The following CACNA2D1 variants were observed in gnomAD, a reference collection of about 807,000 sequenced individuals.
CACNA2D1 encodes the protein voltage-dependent calcium channel subunit alpha-2/delta-1.
In CACNA2D1, 53 loss-of-function variants were observed where a neutral mutation model predicts 171.5. The observed-to-expected ratio is 0.31, with a 90% CI of 0.25 to 0.39. The LOEUF (loss-of-function observed/expected upper bound fraction) is 0.39. Among genes scored for constraint, CACNA2D1 ranks in the 10% least tolerant of loss-of-function variants. CACNA2D1 has a pLI of 1.00. For missense variants in CACNA2D1, 903 were observed against 1,299.8 expected (o/e 0.69, Z 4.69); for synonymous variants, 442 against 443.1 (o/e 1.00, Z 0.03).
chr7:82,137,294 T>G (rs2129079617), intron 4 of CACNA2D1, among the ~76,000 whole-genome samples: 1 of 152,296 alleles, frequency 6.6e-6, no homozygotes, highest in Admixed American at 6.5e-5. Context: ...GCCATCAGTT[T>G]CCTGAAAAAT....
intron 1 of CACNA2D1, among the ~76,000 whole-genome samples, chr7:82,431,874 C>T (rs916054479): frequency 2.0e-5 from 3 of 151,398 alleles, no homozygotes; most frequent in Non-Finnish European, 2.9e-5. Flanking sequence ...CCTATCTCTA[C>T]TAAAAATACA....
chr7:82,113,065 C>T (rs993783220), intron 6 of CACNA2D1, among the ~76,000 whole-genome samples: 19 of 151,946 alleles, frequency 1.3e-4, no homozygotes, highest in Admixed American at 4.6e-4. Flanking sequence ...ACTTCTAAAA[C>T]GTAAATAATA....
chr7:82,326,518 T>C (rs1816670092), intron 3 of CACNA2D1, among the ~76,000 whole-genome samples: 1 of 152,186 alleles, frequency 6.6e-6, no homozygotes, highest in South Asian at 2.1e-4. Flanking sequence ...GAAATAGTGT[T>C]AGAAATATAT....
At chr7:82,131,295 T>C (rs908773340) in intron 5 of CACNA2D1, among the ~76,000 whole-genome samples, 3 of 152,190 alleles carry the variant, frequency 2.0e-5, no homozygotes, top group Admixed American at 2.0e-4. Context: ...GATCAGATTA[T>C]GTCCACAGAA....
intron 24 of CACNA2D1, among the ~76,000 whole-genome samples, chr7:81,974,932 A>G (rs1202353722): frequency 6.6e-6 from 1 of 152,076 alleles, no homozygotes; most frequent in African/African-American, 2.4e-5. Context: ...TTTAAAACCT[A>G]GATGACAAGT....
At position 81,982,575 on chromosome 7, in the gene CACNA2D1, T is replaced by C; in HGVS notation, c.1947A>G (p.Ile649Met). 6.3e-7 allele frequency: 1 copy of C among 1,599,736 alleles called. No homozygotes were observed. Among genetic ancestry groups the C allele is most frequent in the Non-Finnish European group, 8.6e-7 (1 of 1,167,196 alleles). The change falls in exon 24 of 39, where the codon ATA becomes ATG. Residue 649 changes from isoleucine to methionine, a missense_variant. This residue lies in a region of CACNA2D1 where 623 missense variants were observed against 925.5 expected (regional missense o/e 0.67). Transcript: ENST00000356860. ...AATACAACAAAACCAACCTTGGTGC[T>C]ATGAATGTATAGCCAGATTCTTCAA... ...DNFEESGYTFIAPRDYCNDLK... is the reference protein window; with the variant it reads ...DNFEESGYTFMAPRDYCNDLK...
rs1554519957 is a variant in CACNA2D1, at chr7:82,347,842, G to GAA, written c.177+1725_177+1726insTT. ...CATTCTATTTTGTTATGTTAATTCAGTCATTGATTAATTCATCAATATCTA... is the reference window on the plus strand; with the variant it reads ...CATTCTATTTTGTTATGTTAATTCAGAATCATTGATTAATTCATCAATATCTA... On this transcript the variant is annotated intron_variant, in intron 2 of 38. Transcript: ENST00000356860. 2.4e-3 allele frequency among the ~76,000 whole-genome samples: 363 copies of GAA among 152,084 alleles called. 3 individuals carry two copies. Among genetic ancestry groups the GAA allele is most frequent in the African/African-American group, 8.3e-3 (344 of 41,438 alleles).
intron 3 of CACNA2D1, among the ~76,000 whole-genome samples, chr7:82,185,682 AAGGGCAAG>A (rs2129177738): frequency 6.6e-6 from 1 of 152,168 alleles, no homozygotes; most frequent in South Asian, 2.1e-4. Flanking sequence ...AAGGCAAGCG[AAGGGCAAG>A]GACAGTGCTT....
intron 3 of CACNA2D1, among the ~76,000 whole-genome samples, chr7:82,261,615 C>A (rs1156689964): frequency 6.6e-6 from 1 of 152,084 alleles, no homozygotes; most frequent in Non-Finnish European, 1.5e-5. Flanking sequence ...CATTTCTAAT[C>A]TAGGATAAGC....
intron 4 of CACNA2D1, among the ~76,000 whole-genome samples, chr7:82,155,502 CA>C (rs1034168075): frequency 6.6e-5 from 10 of 151,852 alleles, no homozygotes; most frequent in Admixed American, 2.0e-4. Context: ...ATATACCATA[CA>C]TTTTTTTGTG....
At chr7:82,084,061 A>G (rs1353135584) in intron 7 of CACNA2D1, among the ~76,000 whole-genome samples, 1 of 152,212 alleles carries the variant, frequency 6.6e-6, no homozygotes, top group Non-Finnish European at 1.5e-5. Context: ...TGGAGAAAGT[A>G]AAAAACACCA....
chr7:82,298,180 A>G (rs1371346121), intron 3 of CACNA2D1, among the ~76,000 whole-genome samples: 1 of 152,170 alleles, frequency 6.6e-6, no homozygotes, highest in Non-Finnish European at 1.5e-5. Context: ...GACTCTAAAA[A>G]CTAGTATCAT....
At chr7:82,093,396 A>T (rs1423425122) in intron 6 of CACNA2D1, among the ~76,000 whole-genome samples, 2 of 152,104 alleles carry the variant, frequency 1.3e-5, no homozygotes, top group Admixed American at 1.3e-4. Flanking sequence ...TTTTTAATTT[A>T]TCTTGATAAA....
chr7:82,388,062 CA>C (rs772179078), intron 1 of CACNA2D1, among the ~76,000 whole-genome samples: 159 of 79,216 alleles, frequency 2.0e-3, no homozygotes, highest in Middle Eastern at 0.014. Flanking sequence ...ACCCTGTCTC[CA>C]AAAAAAAAAA....
chr7:81,983,806 A>G (rs1365901523), intron 22 of CACNA2D1, among the ~76,000 whole-genome samples: 1 of 152,206 alleles, frequency 6.6e-6, no homozygotes, highest in Non-Finnish European at 1.5e-5. Context: ...GATGCGGGCA[A>G]AAAAGAACTG....
intron 3 of CACNA2D1, among the ~76,000 whole-genome samples, chr7:82,294,435 ACT>A (rs1285277534): frequency 6.7e-6 from 1 of 149,798 alleles, no homozygotes; most frequent in Non-Finnish European, 1.5e-5. Flanking sequence ...TGGTGACATG[ACT>A]CATCATTTAT....
intron 3 of CACNA2D1, among the ~76,000 whole-genome samples, chr7:82,307,703 G>T (rs1053825588): frequency 9.2e-5 from 14 of 151,976 alleles, no homozygotes; most frequent in Admixed American, 9.2e-4. Flanking sequence ...GGTGGCTCTT[G>T]ATCTTGTTAG....
At chr7:82,409,821 T>A (rs1287866505) in intron 1 of CACNA2D1, among the ~76,000 whole-genome samples, 1 of 152,174 alleles carries the variant, frequency 6.6e-6, no homozygotes, top group Non-Finnish European at 1.5e-5. Context: ...TGTTAGGCGA[T>A]TTTGTCATTG....
intron 10 of CACNA2D1, among the ~76,000 whole-genome samples, chr7:82,048,733 C>G (rs1804840116): frequency 6.6e-6 from 1 of 152,066 alleles, no homozygotes; most frequent in Non-Finnish European, 1.5e-5. Context: ...TTAAAGAACT[C>G]TGAACAATTC....
Sources: allele counts gnomAD v4.1 joint callset (sites outside exome capture counted in the v4.1 genomes callset), GRCh38; gene constraint gnomAD v4.1.1; regional missense constraint gnomAD v4.1.1; transcripts MANE v1.5; gene names NCBI Gene and HGNC (gene_info 2026-07-23, HGNC 2026-07-21).